Variants in P2RY6 observed in about 807,000 individuals in gnomAD.
P2RY6 encodes the protein P2Y purinoceptor 6.
P2RY6 carries 19 observed loss-of-function variants against 16.3 expected under a neutral mutation model. The ratio of observed to expected loss-of-function variants is 1.16; its 90% CI spans 0.81 to 1.71. P2RY6 has a LOEUF of 1.71. P2RY6 is among the 40% of genes most tolerant of loss of function. P2RY6 has a pLI of 0.00. For missense variants in P2RY6, 389 were observed against 455.5 expected (o/e 0.85, Z 1.33); for synonymous variants, 184 against 201.5 (o/e 0.91, Z 0.74).
chr11:73,265,374 C>G (rs762519736), intron 1 of P2RY6: 34 of 152,204 alleles, frequency 2.2e-4, no homozygotes, highest in Non-Finnish European at 3.4e-4. Context: ...TTCCAAAATT[C>G]CTGTGGATTT....
Position 73,297,991 on chromosome 11 carries a change from T to G in P2RY6, c.*486T>G, listed in dbSNP as rs55798862. 0.069 allele frequency: 12,368 copies of G among 178,336 alleles called. 1,691 individuals are homozygous for G. The highest frequency in any genetic ancestry group is 0.28 in the African/African-American group (11,786 of 41,646). The allele number at this position is 178,336 out of a possible 1,614,324, so 11.0% of individuals were successfully genotyped here. On this transcript the variant is annotated 3_prime_UTR_variant, in exon 3 of 3. Coordinates refer to ENST00000540124, the MANE Select transcript of P2RY6 (RefSeq NM_001277204.2). ...TACTGACACCTTGTGCTCAGGCCTG[T>G]GTTGGTTCTGGGGCCCTAGAAGAAC...
chr11:73,289,875 C>G (rs1407654587), intron 1 of P2RY6, among the ~76,000 whole-genome samples: 2 of 152,200 alleles, frequency 1.3e-5, no homozygotes, highest in Non-Finnish European at 2.9e-5. Flanking sequence ...ATCCACCCCC[C>G]ACCAAATTGC....
At chr11:73,285,572 T>C (rs1471546479) in intron 1 of P2RY6, among the ~76,000 whole-genome samples, 2 of 152,226 alleles carry the variant, frequency 1.3e-5, no homozygotes, top group African/African-American at 4.8e-5. Context: ...GATTTGGGGT[T>C]TGGCGACAGG....
rs757727466 is a variant in P2RY6 at position 73,290,304 on chromosome 11, A to AAAG, written c.-120-5423_-120-5421dup. ...AAGGAAAGAAAGAAAGAAAGAAAGA[A>AAAG]AAGAAAGAAAGAAAGAAAGAAAGAA... On this transcript the variant is annotated intron_variant, in intron 1 of 2. Coordinates refer to ENST00000540124, the MANE Select transcript of P2RY6 (RefSeq NM_001277204.2). Among the ~76,000 whole-genome samples, 17 of 26,470 alleles carry AAAG rather than the reference A, an allele frequency of 6.4e-4. No individual in the cohort carries two copies. The Admixed American group carries it at 6.5e-3, about 10-fold the overall frequency. 17.4% of individuals were successfully genotyped at this position (26,470 alleles called of 152,430 possible). A position where few individuals can be genotyped will look rare whatever the true frequency, so the allele number is the denominator to read the frequency against.
Position 73,297,503 on chromosome 11 carries a change from T to C in P2RY6, c.985T>C (p.Ter329ArgextTer74). The part of the protein sequence containing the change: ...LTAKWQRQGR[*>R] ...AGCCAAATGGCAGAGGCAGGGTCGC[T>C]GAGTCCTCCAGGTCCTGGGCAGCCT... The change falls in exon 3 of 3, where the codon TGA becomes CGA. Residue 329 changes from the stop codon to arginine, a stop_lost. Transcript: ENST00000540124. The C allele has an allele frequency of 6.2e-7, 1 of 1,605,036 alleles. No homozygotes were observed. Among genetic ancestry groups the C allele is most frequent in the Non-Finnish European group, 8.5e-7 (1 of 1,173,418 alleles).
At chr11:73,286,119 G>A (rs956432770) in intron 1 of P2RY6, among the ~76,000 whole-genome samples, 1 of 152,222 alleles carries the variant, frequency 6.6e-6, no homozygotes, top group Non-Finnish European at 1.5e-5. Context: ...CCTTCTCTGA[G>A]GGGATGATGG....
At chr11:73,280,504 G>A (rs937300736) in intron 1 of P2RY6, among the ~76,000 whole-genome samples, 1 of 152,128 alleles carries the variant, frequency 6.6e-6, no homozygotes, top group Admixed American at 6.5e-5. Flanking sequence ...CCATTTCACT[G>A]CCACCTCCTC....
intron 1 of P2RY6, among the ~76,000 whole-genome samples, chr11:73,290,747 T>A (rs951765448): frequency 1.3e-5 from 2 of 152,196 alleles, no homozygotes; most frequent in Non-Finnish European, 2.9e-5. Context: ...GGTTACTCCC[T>A]CCCAGGTGCA....
chr11:73,290,304 AAAGAAAG>A (rs1260803151), intron 1 of P2RY6, among the ~76,000 whole-genome samples: 1 of 26,470 alleles, frequency 3.8e-5, no homozygotes, highest in African/African-American at 1.1e-4. Context: ...GAAAGAAAGA[AAAGAAAG>A]AAAGAAAGAA....
upstream of P2RY6, among the ~76,000 whole-genome samples, chr11:73,268,264 C>A (rs1330415191): frequency 1.3e-5 from 2 of 152,140 alleles, no homozygotes; most frequent in Non-Finnish European, 2.9e-5. Context: ...AACAGCAGAC[C>A]CCAGACTCTG....
At chr11:73,292,687 G>A (rs1864306539) in intron 1 of P2RY6, 1 of 485,678 alleles carries the variant, frequency 2.1e-6, no homozygotes, top group Non-Finnish European at 2.7e-6. Flanking sequence ...GCTCCTCTAA[G>A]CCCAGTTTCC....
chr11:73,289,605 C>A (rs916342329), intron 1 of P2RY6, among the ~76,000 whole-genome samples: 6 of 152,278 alleles, frequency 3.9e-5, no homozygotes, highest in Non-Finnish European at 5.9e-5. Flanking sequence ...GCCCTCACCC[C>A]TCCCTGGCTG....
intron 1 of P2RY6, among the ~76,000 whole-genome samples, chr11:73,281,528 A>C (rs535157076): frequency 2.8e-4 from 42 of 152,362 alleles, no homozygotes; most frequent in Middle Eastern, 6.8e-3. Flanking sequence ...CATGGCTTAC[A>C]GACACAGGCT....
At chr11:73,275,201 A>G (rs986750873) in intron 1 of P2RY6, among the ~76,000 whole-genome samples, 8 of 152,188 alleles carry the variant, frequency 5.3e-5, no homozygotes, top group African/African-American at 1.9e-4. Context: ...ACTGAGCTCC[A>G]GGAAGACGAA....
Position 73,297,182 on chromosome 11 carries a change from C to T in P2RY6, c.664C>T (p.Gln222Ter). 1.9e-6 allele frequency: 3 copies of T among 1,603,934 alleles called. No individual in the cohort carries two copies. The highest frequency in any genetic ancestry group is 2.5e-6 in the Non-Finnish European group (3 of 1,179,638). ...YCLLACRLCR[Q>*]DGPAEPVAQE... is the part of the protein sequence containing the mutation. ...TCTCCTGGCCTGCCGCCTGTGCCGC[C>T]AGGATGGCCCGGCAGAGCCTGTGGC... Residue 222 changes from glutamine to a stop codon, truncating the protein, a stop_gained, in exon 3 of 3, where the codon CAG (glutamine) becomes TAG (stop). Transcript: ENST00000540124. LOFTEE classifies it high-confidence loss of function.
intron 1 of P2RY6, among the ~76,000 whole-genome samples, chr11:73,279,227 T>C (rs1012045789): frequency 2.0e-5 from 3 of 152,232 alleles, no homozygotes; most frequent in African/African-American, 7.2e-5. Context: ...TTGTTTCTTT[T>C]GCTGTTTAGT....
intron 1 of P2RY6, among the ~76,000 whole-genome samples, chr11:73,295,334 T>C (rs1181301893): frequency 6.6e-6 from 1 of 152,162 alleles, no homozygotes; most frequent in Non-Finnish European, 1.5e-5. Context: ...GAGGACACTG[T>C]GACATAACCT....
intron 1 of P2RY6, among the ~76,000 whole-genome samples, chr11:73,283,140 G>T (rs1863831067): frequency 6.6e-6 from 1 of 152,100 alleles, no homozygotes; most frequent in East Asian, 1.9e-4. Context: ...CATGGGCTGG[G>T]ATTTGAAGAA....
intron 1 of P2RY6, among the ~76,000 whole-genome samples, chr11:73,284,047 G>A (rs1007176187): frequency 6.6e-6 from 1 of 152,136 alleles, no homozygotes; most frequent in African/African-American, 2.4e-5. Context: ...CTGAAAGGCT[G>A]TCTGCTTTGA....
Sources: gnomAD v4.1 joint callset for allele counts (sites outside exome capture counted in the v4.1 genomes callset) on GRCh38, gnomAD v4.1.1 for gene constraint, MANE v1.5 for transcripts, NCBI Gene and HGNC (gene_info 2026-07-23, HGNC 2026-07-21) for gene names.